Variants in MLIP observed in about 807,000 individuals in gnomAD.
MLIP encodes muscular LMNA-interacting protein.
Under a neutral mutation model 84.8 loss-of-function variants are expected in MLIP, and 79 were observed. The ratio of observed to expected loss-of-function variants is 0.93; its 90% CI spans 0.78 to 1.12. MLIP has a LOEUF of 1.12. Ranked by LOEUF, MLIP falls within the 50% of genes most tolerant of loss-of-function variation. The pLI is 0.00. For synonymous variants in MLIP, 504 were observed against 463.0 expected (o/e 1.09, Z -1.14); for missense variants, 1,257 against 1,160.6 (o/e 1.08, Z -1.21).
intron 11 of MLIP, among the ~76,000 whole-genome samples, chr6:54,229,355 A>T (rs1780817492): frequency 6.6e-6 from 1 of 152,230 alleles, no homozygotes; most frequent in South Asian, 2.1e-4. Flanking sequence ...TTAAATTTAA[A>T]TTTTTATTTT....
At chr6:54,222,382 C>G (rs998493534) in intron 11 of MLIP, among the ~76,000 whole-genome samples, 3 of 152,008 alleles carry the variant, frequency 2.0e-5, no homozygotes, top group Non-Finnish European at 2.9e-5. Context: ...TTCCCCTCCC[C>G]TCTGCCCCTG....
At chr6:54,038,099 C>T (rs1764545513) in intron 1 of MLIP, among the ~76,000 whole-genome samples, 1 of 151,740 alleles carries the variant, frequency 6.6e-6, no homozygotes, top group Non-Finnish European at 1.5e-5. Context: ...GTATGAGTAC[C>T]CATAAAAAGA....
At chr6:54,176,748 A>G (rs1776326671) in intron 9 of MLIP, among the ~76,000 whole-genome samples, 1 of 152,128 alleles carries the variant, frequency 6.6e-6, no homozygotes, top group Non-Finnish European at 1.5e-5. Context: ...AGACAAGACA[A>G]TCCTAAGCAA....
At chr6:54,173,710 C>A (rs1382041231) in intron 9 of MLIP, among the ~76,000 whole-genome samples, 1 of 151,658 alleles carries the variant, frequency 6.6e-6, no homozygotes, top group East Asian at 1.9e-4. Context: ...AAGCTTTTAT[C>A]CTTTATGTTA....
intron 1 of MLIP, among the ~76,000 whole-genome samples, chr6:54,100,586 T>C (rs558557309): frequency 6.6e-6 from 1 of 152,290 alleles, no homozygotes; most frequent in South Asian, 2.1e-4. Flanking sequence ...GGGGATTATA[T>C]TATATTTGCA....
chr6:54,226,598 A>G (rs1244815947), intron 11 of MLIP, among the ~76,000 whole-genome samples: 1 of 91,764 alleles, frequency 1.1e-5, no homozygotes, highest in Non-Finnish European at 2.8e-5. Context: ...AAATATGAGC[A>G]GAAAACCAAA....
At chr6:54,151,984 G>A (rs943171502) in intron 5 of MLIP, among the ~76,000 whole-genome samples, 1 of 152,004 alleles carries the variant, frequency 6.6e-6, no homozygotes, top group South Asian at 2.1e-4. Context: ...TGGTACTTCT[G>A]TTCTGTAATT....
At chr6:54,248,912 C>A (rs761188954) in intron 12 of MLIP, among the ~76,000 whole-genome samples, 5 of 151,990 alleles carry the variant, frequency 3.3e-5, no homozygotes, top group Admixed American at 1.3e-4. Context: ...CATGTATTAT[C>A]AAGTGAATAT....
At chr6:54,227,030 G>T (rs1780622770) in intron 11 of MLIP, among the ~76,000 whole-genome samples, 1 of 152,132 alleles carries the variant, frequency 6.6e-6, no homozygotes, top group Non-Finnish European at 1.5e-5. Flanking sequence ...TTGGTGTGAG[G>T]TGATTAGATC....
chr6:54,170,419 G>C (rs1035926654), intron 9 of MLIP, among the ~76,000 whole-genome samples: 3 of 151,568 alleles, frequency 2.0e-5, no homozygotes, highest in African/African-American at 7.3e-5. Context: ...GTAATAAACT[G>C]GGTGAAATTA....
chr6:54,172,134 T>C (rs1234743206), intron 9 of MLIP, among the ~76,000 whole-genome samples: 2 of 151,632 alleles, frequency 1.3e-5, no homozygotes, highest in African/African-American at 2.4e-5. Flanking sequence ...TAGTACTGAC[T>C]ACTGAAAATT....
At chr6:54,221,547 T>G (rs556259969) in intron 11 of MLIP, among the ~76,000 whole-genome samples, 2 of 75,258 alleles carry the variant, frequency 2.7e-5, no homozygotes, top group South Asian at 1.1e-3. Flanking sequence ...AAGACCCCCT[T>G]ATAATGCTAA....
At chr6:54,090,595 G>A (rs1767799284) in intron 1 of MLIP, among the ~76,000 whole-genome samples, 1 of 151,822 alleles carries the variant, frequency 6.6e-6, no homozygotes, top group Admixed American at 6.6e-5. Context: ...CCTTCATATT[G>A]TCATAAGCAT....
intron 9 of MLIP, among the ~76,000 whole-genome samples, chr6:54,180,074 T>C (rs550376220): frequency 1.3e-5 from 2 of 152,302 alleles, no homozygotes; most frequent in South Asian, 4.1e-4. Context: ...GATATACTAT[T>C]CTTGGGTAAA....
rs1774525715 is a variant in MLIP, at chr6:54,160,604, T to C, written c.2439+5T>C. 6.2e-7 allele frequency: 1 copy of C among 1,603,972 alleles called. No individual in the cohort carries two copies. The highest frequency in any genetic ancestry group is 8.5e-7 in the Non-Finnish European group (1 of 1,172,348). ...TTACAGGATTCCTTGTCTATGGTAA[T>C]GCTTTAGACTAGAATGTGCAATTCA... On this transcript the variant is annotated splice_donor_5th_base_variant and intron_variant, in intron 7 of 13. Transcript: ENST00000502396.
At chr6:54,192,438 A>G (rs1280856) in intron 10 of MLIP, among the ~76,000 whole-genome samples, 142,216 of 152,110 alleles carry the variant, frequency 0.93, 67,192 homozygotes, top group East Asian at 1. Context: ...TGTAAGACAT[A>G]TTATAGGACA....
intron 10 of MLIP, among the ~76,000 whole-genome samples, chr6:54,196,483 G>C (rs1000472625): frequency 6.6e-6 from 1 of 152,052 alleles, no homozygotes; most frequent in African/African-American, 2.4e-5. Flanking sequence ...ATGGCTTCCA[G>C]CTCCATTCAT....
At chr6:54,245,466 C>A (rs768573859) in intron 12 of MLIP, among the ~76,000 whole-genome samples, 1 of 152,062 alleles carries the variant, frequency 6.6e-6, no homozygotes, top group Non-Finnish European at 1.5e-5. Flanking sequence ...GAGAGAGAGT[C>A]GAGTAACTCA....
chr6:54,253,727 A>G (rs1303182412), intron 12 of MLIP, among the ~76,000 whole-genome samples: 2 of 152,136 alleles, frequency 1.3e-5, no homozygotes, highest in African/African-American at 4.8e-5. Context: ...CAAACACTTC[A>G]CAAGGCTTTA....
Sources: allele counts gnomAD v4.1 joint callset (sites outside exome capture counted in the v4.1 genomes callset), GRCh38; gene constraint gnomAD v4.1.1; transcripts MANE v1.5; gene names NCBI Gene and HGNC (gene_info 2026-07-23, HGNC 2026-07-21).